The following ULK3 variants were observed in gnomAD, a reference collection of about 807,000 sequenced individuals.
ULK3 encodes the protein serine/threonine-protein kinase ULK3.
A neutral mutation model predicts 69.4 loss-of-function variants in ULK3; 54 were observed. The ratio of observed to expected loss-of-function variants is 0.78; its 90% CI spans 0.63 to 0.98. The LOEUF (loss-of-function observed/expected upper bound fraction) is 0.98, where lower values mean the gene tolerates loss of function less well. ULK3 is among the 50% of genes least tolerant of loss of function. ULK3 has a pLI of 0.00. For missense variants in ULK3, 558 were observed against 627.7 expected (o/e 0.89, Z 1.19); for synonymous variants, 240 against 254.5 (o/e 0.94, Z 0.54).
Position 74,843,029 on chromosome 15 carries a change from G to C in ULK3, c.77C>G (p.Ala26Gly), listed in dbSNP as rs1338949418. ...LTERLGSGTY[A>G]TVYKAYAKKD... ...CTTGGCGTAGGCCTTGTACACCGTGGCGTACGTGCCGCTGCCCAGGCGCTC... is the reference window on the plus strand; with the variant it reads ...CTTGGCGTAGGCCTTGTACACCGTGCCGTACGTGCCGCTGCCCAGGCGCTC... Residue 26 changes from alanine (A) to glycine (G), a missense_variant, in exon 1 of 16, where the codon GCC becomes GGC. Coordinates refer to ENST00000440863, the MANE Select transcript of ULK3 (RefSeq NM_001099436.4). 2.0e-6 allele frequency: 3 copies of C among 1,533,220 alleles called. No homozygotes were observed. The highest frequency in any genetic ancestry group is 2.6e-6 in the Non-Finnish European group (3 of 1,138,560). 95.0% of individuals were successfully genotyped at this position (1,533,220 alleles called of 1,614,324 possible). A position where few individuals can be genotyped will look rare whatever the true frequency, so the allele number is the denominator to read the frequency against.
intron 6 of ULK3, 75 bp downstream of exon 6, chr15:74,840,159 C>CAGA: frequency 6.6e-7 from 1 of 1,511,704 alleles, no homozygotes; most frequent in Non-Finnish European, 9.0e-7. Flanking sequence ...CTCTGCAGGT[C>CAGA]AGAACGAGGT....
intron 5 of ULK3, 35 bp downstream of exon 5, chr15:74,840,463 G>C: frequency 6.3e-7 from 1 of 1,588,094 alleles, no homozygotes. Context: ...GAAACTGTAG[G>C]CCTCAGGGTG....
rs934516418 is a variant in ULK3 at position 74,841,432 on chromosome 15, A to C, written c.442T>G (p.Leu148Val). The C allele has an allele frequency of 6.2e-7, 1 of 1,613,870 alleles. No homozygotes were observed. Among genetic ancestry groups the C allele is most frequent in the African/African-American group, 1.3e-5 (1 of 75,046 alleles). Residue 148 changes from leucine to valine, a missense_variant, in exon 4 of 16, where the codon TTG becomes GTG. By Grantham distance (32) the Leu-to-Val change is conservative. Transcript: ENST00000440863. ...LKPQNILLSSLEKPHLKLADF... is the reference protein window; with the variant it reads ...LKPQNILLSSVEKPHLKLADF... ...GCCAGTTTTAGGTGGGGCTTCTCCA[A>C]GGAGCTCAGTAGAATGTTCTGTGGC...
Position 74,842,264 on chromosome 15 carries a change from C to T in ULK3, c.243+16G>A, listed in dbSNP as rs749034940. ...CTCCAGCTCCCTTTGGCAGCGGCCC[C>T]GCCCCAGGCTCACACCTGAAAGTCT... On this transcript the variant is annotated intron_variant, in intron 2 of 15. Transcript: ENST00000440863. The surrounding 1 kb of genome is among the most constrained non-coding windows in gnomAD (Gnocchi z 4.9). 5 of 1,613,986 alleles carry T rather than the reference C, an allele frequency of 3.1e-6. No individual in the cohort carries two copies. Among genetic ancestry groups the T allele is most frequent in the South Asian group, 1.1e-5 (1 of 91,082 alleles).
rs367868435 is a variant in ULK3 at position 74,838,548 on chromosome 15, T to C, written c.1103-44A>G. ...CTCAGGGTGAGGGAAGCAACCTGCC[T>C]GTTCGCTGCAGGATGCCTCTCCCCA... On this transcript the variant is annotated intron_variant, in intron 10 of 15. Coordinates refer to ENST00000440863, the MANE Select transcript of ULK3 (RefSeq NM_001099436.4). The C allele has an allele frequency of 1.9e-4, 298 of 1,565,920 alleles. 1 individual carries two copies. In the Middle Eastern group the frequency reaches 2.0e-3, roughly 10 times the overall value.
rs918915285 is a variant in ULK3, at chr15:74,840,918, C to A, written c.470-277G>T. ...AAGCCCCCACCCTCTCACTGTCCCC[C>A]CAGGCTTAGGTTCTATCACAGTCTC... On this transcript the variant is annotated intron_variant, in intron 4 of 15. Transcript: ENST00000440863. 1.1e-4 allele frequency among the ~76,000 whole-genome samples: 17 copies of A among 152,188 alleles called. 1 individual carries two copies. The highest frequency in any genetic ancestry group is 1.0e-3 in the South Asian group (5 of 4,816).
At chr15:74,838,400 C>T in intron 11 of ULK3, 40 bp downstream of exon 11, 2 of 1,561,648 alleles carry the variant, frequency 1.3e-6, no homozygotes, top group Non-Finnish European at 1.7e-6. Flanking sequence ...ATCTCCCTGC[C>T]CTGCCCCGAC....
intron 6 of ULK3, 123 bp downstream of exon 6, chr15:74,840,111 C>T: frequency 1.6e-6 from 2 of 1,241,260 alleles, no homozygotes; most frequent in Admixed American, 4.1e-5. Context: ...AGAACCTGCC[C>T]CTCCACCACA....
chr15:74,839,283 C>A lies in ULK3; in HGVS notation c.943G>T (p.Val315Leu), dbSNP rs1274028653. ...TGGGACTCACAGTGCAGGGCAGGTA[C>A]AAAGAAGTCCAGAGCCTTGCAGTAG... ...SLYCKALDFFVPALHYEVDAQ... is the reference protein window; with the variant it reads ...SLYCKALDFFLPALHYEVDAQ... Residue 315 changes from valine (V) to leucine (L), a missense_variant, in exon 8 of 16, where the codon GTA (valine) becomes TTA (leucine). Val to Leu is a conservative substitution (Grantham distance 32). Transcript: ENST00000440863. The A allele has an allele frequency of 1.3e-6, 2 of 1,559,716 alleles. No individual in the cohort carries two copies. Among genetic ancestry groups the A allele is most frequent in the South Asian group, 1.2e-5 (1 of 84,554 alleles).
Position 74,842,772 on chromosome 15 carries a change from G to A in ULK3, c.102+232C>T, listed in dbSNP as rs1221855779. On this transcript the variant is annotated intron_variant, in intron 1 of 15. Transcript: ENST00000440863. This position sits in a 1 kb window ranked among gnomAD's most constrained non-coding sequence, Gnocchi z 4.9. ...GTCCCAGACTCCTCCCAGCCCACCA[G>A]GTAACCTGTTTTGAGCCTGTTCTTC... 8.7e-6 allele frequency: 13 copies of A among 1,489,842 alleles called. No homozygotes were observed. In the Admixed American group the frequency reaches 2.7e-4, roughly 31 times the overall value. The allele number at this position is 1,489,842 out of a possible 1,614,324, so 92.3% of individuals were successfully genotyped here.
rs1176057736 is a variant in ULK3 at position 74,838,288 on chromosome 15, C to T, written c.1224G>A (p.Gly408=). The T allele has an allele frequency of 1.3e-6, 2 of 1,562,840 alleles. No individual in the cohort carries two copies. Among genetic ancestry groups the T allele is most frequent in the Admixed American group, 1.9e-5 (1 of 52,630 alleles). ...CACCTGCCAGCAACAGCAGTAGCTC[C>T]CCCAGGCTGTGCTGGTACAGGTCCA... ...DALDLYQHSL[G]ELLLLLAAEP... The change falls in exon 12 of 16, where the codon GGG becomes GGA. Residue 408 remains glycine, a synonymous_variant. Transcript: ENST00000440863.
At chr15:74,840,206 G>A (rs1273231251) in intron 6 of ULK3, 28 bp downstream of exon 6, 2 of 1,589,816 alleles carry the variant, frequency 1.3e-6, no homozygotes, top group Non-Finnish European at 1.7e-6. Flanking sequence ...CTGCCCCCCA[G>A]TGGTCGCTAA....
intron 3 of ULK3, among the ~76,000 whole-genome samples, chr15:74,841,820 G>T (rs1005834350): frequency 2.0e-5 from 3 of 152,206 alleles, no homozygotes; most frequent in African/African-American, 7.2e-5. Flanking sequence ...CAGGACTCTG[G>T]AATGTTCTAC....
In ULK3 at chr15:74,842,604, T is replaced by C. The variant is rs1360889711; in HGVS notation, c.103-184A>G. 2 of 1,546,538 alleles carry C rather than the reference T, an allele frequency of 1.3e-6. No homozygotes were observed. Among genetic ancestry groups the C allele is most frequent in the Admixed American group, 3.9e-5 (2 of 51,590 alleles). On this transcript the variant is annotated intron_variant, in intron 1 of 15. Transcript: ENST00000440863. This position sits in a 1 kb window ranked among gnomAD's most constrained non-coding sequence, Gnocchi z 4.9. ...CCAGTGAGGAATGCTGATTCTGGAA[T>C]CCTGGCTTCCCGACACAGCCTCAGC...
At chr15:74,838,560 G>A in intron 10 of ULK3, 56 bp from the exon 11 acceptor site, 1 of 1,569,212 alleles carries the variant, frequency 6.4e-7, no homozygotes, top group Non-Finnish European at 8.6e-7. Flanking sequence ...TTCGCTGCAG[G>A]ATGCCTCTCC....
intron 3 of ULK3, 55 bp from the exon 4 acceptor site, chr15:74,841,564 C>T: frequency 3.4e-6 from 5 of 1,484,462 alleles, no homozygotes; most frequent in Non-Finnish European, 4.7e-6. Flanking sequence ...CCGCCTGCCT[C>T]TCGCCTCCCC....
chr15:74,842,258 C>A lies in ULK3; in HGVS notation c.243+22G>T, dbSNP rs750073764. The A allele has an allele frequency of 1.2e-6, 2 of 1,613,866 alleles. No individual in the cohort carries two copies. The highest frequency in any genetic ancestry group is 1.3e-5 in the African/African-American group (1 of 75,064). ...TCCCTTCTCCAGCTCCCTTTGGCAGCGGCCCCGCCCCAGGCTCACACCTGA... is the reference window on the plus strand; with the variant it reads ...TCCCTTCTCCAGCTCCCTTTGGCAGAGGCCCCGCCCCAGGCTCACACCTGA... On this transcript the variant is annotated intron_variant, in intron 2 of 15. Transcript: ENST00000440863. This position sits in a 1 kb window ranked among gnomAD's most constrained non-coding sequence, Gnocchi z 4.9.
Position 74,838,763 on chromosome 15 carries a change from C to A in ULK3, c.1000-18G>T. ...TGCCCCACCTGTAGCAGGGAAAGGG[C>A]CTGAGGAGGGGCTGTCTCACCAGCT... is the stretch of plus-strand genomic sequence containing the variant. On this transcript the variant is annotated intron_variant, in intron 9 of 15. Coordinates refer to ENST00000440863, the MANE Select transcript of ULK3 (RefSeq NM_001099436.4). The A allele has an allele frequency of 1.3e-6, 2 of 1,583,844 alleles. No individual in the cohort carries two copies. Among genetic ancestry groups the A allele is most frequent in the Non-Finnish European group, 1.7e-6 (2 of 1,161,766 alleles).
rs1158123848 is a variant in ULK3 at position 74,839,578 on chromosome 15, C to G, written c.832G>C (p.Gly278Arg). 6.4e-7 allele frequency: 1 copy of G among 1,562,800 alleles called. No homozygotes were observed. The highest frequency in any genetic ancestry group is 8.7e-7 in the Non-Finnish European group (1 of 1,155,018). Residue 278 changes from glycine to arginine, a missense_variant, in exon 7 of 16, where the codon GGG (glycine) becomes CGG (arginine). Coordinates refer to ENST00000440863, the MANE Select transcript of ULK3 (RefSeq NM_001099436.4). ...CTCACTGCTCGCCCCAGACTCTCCC[C>G]ACTGGGCATGTGCTCCAGGTCCACC... ...PWVDLEHMPSGESLGRATALV... is the reference protein window; with the variant it reads ...PWVDLEHMPSRESLGRATALV...
Sources: gnomAD v4.1 joint callset for allele counts (sites outside exome capture counted in the v4.1 genomes callset) on GRCh38, gnomAD v4.1.1 for gene constraint, Gnocchi (gnomAD v3.1) non-coding constraint, MANE v1.5 for transcripts, NCBI Gene and HGNC (gene_info 2026-07-23, HGNC 2026-07-21) for gene names.